Variants in CDH10 observed in about 807,000 individuals in gnomAD.
CDH10 encodes cadherin 10, also known as cadherin-10.
A neutral mutation model predicts 73.1 loss-of-function variants in CDH10; 30 were observed. The observed-to-expected ratio is 0.41, with a 90% CI of 0.31 to 0.56. CDH10 has a LOEUF of 0.56. Ranked by LOEUF, CDH10 falls within the 20% of genes least tolerant of loss-of-function variation. The pLI is 0.27. For synonymous variants in CDH10, 345 were observed against 348.2 expected, an observed-to-expected ratio of 0.99 and a Z score of 0.10; for missense variants, 815 against 973.7, an observed-to-expected ratio of 0.84 and a Z score of 2.17.
chr5:24,563,597 C>CA (rs70965616), intron 2 of CDH10, among the ~76,000 whole-genome samples: 1,188 of 88,704 alleles, frequency 0.013, 65 homozygotes, highest in East Asian at 0.078. Context: ...ACTAAAAATA[C>CA]AAAAAAAAAA....
chr5:24,536,547 C>T (rs1174567747), intron 3 of CDH10, among the ~76,000 whole-genome samples: 2 of 151,998 alleles, frequency 1.3e-5, no homozygotes, highest in African/African-American at 4.8e-5. Context: ...TATTCTCTTA[C>T]CAAATCCAAA....
At chr5:24,594,421 C>A (rs888422070) in intron 1 of CDH10, among the ~76,000 whole-genome samples, 1 of 148,446 alleles carries the variant, frequency 6.7e-6, no homozygotes, top group Non-Finnish European at 1.5e-5. Flanking sequence ...AAATTTAAGT[C>A]AGATCATGTC....
At position 24,511,389 on chromosome 5, in the gene CDH10, T is replaced by A. The variant is rs1742897406; in HGVS notation, c.940A>T (p.Thr314Ser). The A allele has an allele frequency of 1.2e-6, 2 of 1,612,668 alleles. No homozygotes were observed. Among genetic ancestry groups the A allele is most frequent in the Middle Eastern group, 1.7e-4 (1 of 6,054 alleles). ...TCAGTCACGATGTCAAACATATCAGTACCGTCACCATCAATAATTCGGTAT... is the reference window on the plus strand; with the variant it reads ...TCAGTCACGATGTCAAACATATCAGAACCGTCACCATCAATAATTCGGTAT... Reference protein sequence around the residue: ...VEYRIIDGDGTDMFDIVTEKD... With the variant: ...VEYRIIDGDGSDMFDIVTEKD... Residue 314 changes from threonine to serine, a missense_variant, in exon 6 of 12, where the codon ACT becomes TCT. By Grantham distance (58) the Thr-to-Ser change is moderately conservative. Around this residue, in one of 3 missense-constraint regions of CDH10, gnomAD observed 516 missense variants for 636.6 expected, o/e 0.81. Coordinates refer to ENST00000264463, the MANE Select transcript of CDH10 (RefSeq NM_006727.5).
At position 24,487,646 on chromosome 5, in the gene CDH10, A is replaced by G; in HGVS notation, c.*17T>C. On this transcript the variant is annotated 3_prime_UTR_variant, in exon 12 of 12. Coordinates refer to ENST00000264463, the MANE Select transcript of CDH10 (RefSeq NM_006727.5). Reference sequence around the variant, plus strand: ...TAGAGTTACTTTCTCTTGTTTGAACAGAACATATATCCTACGTTAAGAGTC... The same window carrying G: ...TAGAGTTACTTTCTCTTGTTTGAACGGAACATATATCCTACGTTAAGAGTC... 1 of 1,590,788 alleles carries G rather than the reference A, an allele frequency of 6.3e-7. No individual in the cohort carries two copies. The highest frequency in any genetic ancestry group is 8.6e-7 in the Non-Finnish European group (1 of 1,167,284).
intron 10 of CDH10, among the ~76,000 whole-genome samples, chr5:24,492,088 T>A (rs111636956): frequency 6.6e-6 from 1 of 152,188 alleles, no homozygotes; most frequent in South Asian, 2.1e-4. Context: ...TTTTTATAAG[T>A]GAATCATTTA....
chr5:24,511,099 T>C (rs751056538), intron 6 of CDH10, among the ~76,000 whole-genome samples: 1 of 152,232 alleles, frequency 6.6e-6, no homozygotes, highest in Non-Finnish European at 1.5e-5. Flanking sequence ...AACTTGCCTT[T>C]TATATTTTCT....
chr5:24,531,097 T>A (rs1329787210), intron 5 of CDH10, among the ~76,000 whole-genome samples: 1 of 152,068 alleles, frequency 6.6e-6, no homozygotes, highest in Non-Finnish European at 1.5e-5. Context: ...CACATGCTGA[T>A]CTTTTTGCTT....
intron 1 of CDH10, among the ~76,000 whole-genome samples, chr5:24,617,810 TC>T (rs1390931608): frequency 6.6e-6 from 1 of 152,056 alleles, no homozygotes; most frequent in East Asian, 1.9e-4. Context: ...GATACCCACC[TC>T]CCCGCCTGAT....
At chr5:24,585,139 C>T (rs747753588) in intron 2 of CDH10, among the ~76,000 whole-genome samples, 57 of 152,166 alleles carry the variant, frequency 3.7e-4, no homozygotes, top group Admixed American at 1.0e-3. Flanking sequence ...AGCCACTGCA[C>T]CCGGCCCACT....
intron 1 of CDH10, among the ~76,000 whole-genome samples, chr5:24,625,153 T>A (rs1401609003): frequency 6.6e-6 from 1 of 152,148 alleles, no homozygotes; most frequent in African/African-American, 2.4e-5. Flanking sequence ...GCTGAAAATA[T>A]AATAGGTTCA....
intron 2 of CDH10, among the ~76,000 whole-genome samples, chr5:24,548,112 C>A (rs1000823430): frequency 7.2e-5 from 11 of 152,062 alleles, no homozygotes; most frequent in African/African-American, 2.7e-4. Context: ...CACATGGGAA[C>A]CTCAGCAGGG....
chr5:24,556,948 A>C (rs1744789245), intron 2 of CDH10, among the ~76,000 whole-genome samples: 1 of 148,156 alleles, frequency 6.7e-6, no homozygotes, highest in Admixed American at 6.9e-5. Context: ...AAACCAAATA[A>C]AATTTAATCT....
chr5:24,570,777 C>A (rs1745347987), intron 2 of CDH10, among the ~76,000 whole-genome samples: 1 of 151,938 alleles, frequency 6.6e-6, no homozygotes, highest in African/African-American at 2.4e-5. Context: ...TTGTACTTCA[C>A]ATTTTTTATC....
chr5:24,523,001 T>G (rs1284980605), intron 5 of CDH10, among the ~76,000 whole-genome samples: 1 of 151,796 alleles, frequency 6.6e-6, no homozygotes, highest in Non-Finnish European at 1.5e-5. Context: ...CAATGGTGAA[T>G]ATTAAAACAA....
At chr5:24,533,893 G>A (rs1743842087) in intron 5 of CDH10, among the ~76,000 whole-genome samples, 1 of 152,030 alleles carries the variant, frequency 6.6e-6, no homozygotes, top group South Asian at 2.1e-4. Context: ...GACCTGATGG[G>A]CATACGTTAA....
intron 1 of CDH10, among the ~76,000 whole-genome samples, chr5:24,604,644 C>T (rs777864917): frequency 1.3e-5 from 2 of 151,546 alleles, no homozygotes; most frequent in Non-Finnish European, 2.9e-5. Context: ...AGGCTGAGGC[C>T]GGCAGATCAC....
At chr5:24,547,702 A>G (rs992225619) in intron 2 of CDH10, among the ~76,000 whole-genome samples, 2 of 152,144 alleles carry the variant, frequency 1.3e-5, no homozygotes, top group African/African-American at 4.8e-5. Flanking sequence ...TTTTTTAAGT[A>G]AAGAGGTGAA....
intron 2 of CDH10, among the ~76,000 whole-genome samples, chr5:24,571,212 TA>T (rs1485405477): frequency 1.3e-5 from 2 of 152,152 alleles, no homozygotes; most frequent in Non-Finnish European, 2.9e-5. Flanking sequence ...TAATAATTCA[TA>T]TGCTTCAGTG....
chr5:24,494,406 A>C (rs1742186327), intron 9 of CDH10, among the ~76,000 whole-genome samples: 1 of 151,942 alleles, frequency 6.6e-6, no homozygotes, highest in African/African-American at 2.4e-5. Flanking sequence ...ATTGAAGAGG[A>C]AAAAATGACA....
Sources: allele counts gnomAD v4.1 joint callset (sites outside exome capture counted in the v4.1 genomes callset), GRCh38; gene constraint gnomAD v4.1.1; regional missense constraint gnomAD v4.1.1; transcripts MANE v1.5; gene names NCBI Gene and HGNC (gene_info 2026-07-23, HGNC 2026-07-21).